PRKCB: variants seen among roughly 807,000 people sequenced by gnomAD.
PRKCB encodes protein kinase C beta, also known as protein kinase C beta type.
PRKCB carries 13 observed loss-of-function variants against 81.5 expected under a neutral mutation model. The observed-to-expected ratio is 0.16, with a 90% CI of 0.10 to 0.25. The LOEUF is 0.25. Among genes scored for constraint, PRKCB ranks in the 10% least tolerant of loss-of-function variants. The pLI is 1.00. For synonymous variants in PRKCB, 335 were observed against 321.4 expected, an observed-to-expected ratio of 1.04 and a Z score of -0.45; for missense variants, 509 against 875.7, an observed-to-expected ratio of 0.58 and a Z score of 5.29.
At chr16:24,000,007 A>G (rs970973942) in intron 3 of PRKCB, among the ~76,000 whole-genome samples, 1 of 152,138 alleles carries the variant, frequency 6.6e-6, no homozygotes, top group Non-Finnish European at 1.5e-5. Flanking sequence ...ACTTGTTCAT[A>G]TGGTGGTTTC....
intron 2 of PRKCB, among the ~76,000 whole-genome samples, chr16:23,953,863 T>A (rs1964313811): frequency 6.7e-6 from 1 of 149,192 alleles, no homozygotes; most frequent in South Asian, 2.1e-4. Context: ...TCAACTATGA[T>A]GCACGTTACA....
At chr16:24,068,440 C>A (rs953300471) in intron 5 of PRKCB, among the ~76,000 whole-genome samples, 1 of 150,044 alleles carries the variant, frequency 6.7e-6, no homozygotes, top group East Asian at 1.9e-4. Flanking sequence ...CTTCTTAGTC[C>A]TTTGCCCTGT....
chr16:23,862,446 A>G (rs1041631490), intron 2 of PRKCB, among the ~76,000 whole-genome samples: 3 of 152,216 alleles, frequency 2.0e-5, no homozygotes, highest in African/African-American at 7.2e-5. Context: ...TCTGTACACC[A>G]GAAAGACTTG....
chr16:24,212,833 T>C (rs1968165559), intron 16 of PRKCB, among the ~76,000 whole-genome samples: 1 of 151,942 alleles, frequency 6.6e-6, no homozygotes, highest in African/African-American at 2.4e-5. Context: ...AAAGTCGTTA[T>C]CCAAAATGGA....
intron 3 of PRKCB, among the ~76,000 whole-genome samples, chr16:24,004,039 A>C (rs917352695): frequency 1.4e-4 from 22 of 152,316 alleles, no homozygotes; most frequent in African/African-American, 5.1e-4. Flanking sequence ...AATGTGGAGG[A>C]AACAATCTAG....
chr16:24,106,732 CAAAG>C (rs1442497625), intron 7 of PRKCB, among the ~76,000 whole-genome samples: 1 of 152,018 alleles, frequency 6.6e-6, no homozygotes, highest in Admixed American at 6.6e-5. Context: ...CTATAAATTT[CAAAG>C]ATATGATACA....
At chr16:24,094,418 G>A (rs1307803956) in intron 7 of PRKCB, 121 bp downstream of exon 7, 1 of 1,317,190 alleles carries the variant, frequency 7.6e-7, no homozygotes, top group African/African-American at 1.5e-5. Context: ...AGTGAAGTCT[G>A]GTTGATTGGA....
At chr16:23,876,797 C>T (rs1175856060) in intron 2 of PRKCB, among the ~76,000 whole-genome samples, 5 of 152,168 alleles carry the variant, frequency 3.3e-5, no homozygotes, top group Non-Finnish European at 5.9e-5. Flanking sequence ...AATACCACTA[C>T]TCAAAACAAT....
At chr16:24,172,505 G>A in intron 11 of PRKCB, 144 bp downstream of exon 11, 1 of 662,480 alleles carries the variant, frequency 1.5e-6, no homozygotes. Flanking sequence ...GAAGAAAGGT[G>A]TTCTGCTTAA....
chr16:24,025,983 C>A (rs12232446), intron 3 of PRKCB, among the ~76,000 whole-genome samples: 25,877 of 152,108 alleles, frequency 0.17, 2,344 homozygotes, highest in East Asian at 0.26. Flanking sequence ...AGACACCCAG[C>A]GTACACATGT....
intron 9 of PRKCB, among the ~76,000 whole-genome samples, chr16:24,125,694 T>C (rs1966842538): frequency 6.6e-6 from 1 of 152,188 alleles, no homozygotes; most frequent in Admixed American, 6.5e-5. Flanking sequence ...TCCGTCGTGG[T>C]CGCCACTGTG....
At chr16:23,993,825 CTA>C (rs1348099308) in intron 3 of PRKCB, among the ~76,000 whole-genome samples, 1 of 152,146 alleles carries the variant, frequency 6.6e-6, no homozygotes, top group African/African-American at 2.4e-5. Context: ...ATGGCACTGC[CTA>C]ATCATGGTGT....
rs528472944 is a variant in PRKCB at position 24,161,577 on chromosome 16, G to A, written c.1239+6720G>A. Among the ~76,000 whole-genome samples the A allele has an allele frequency of 2.0e-5, 3 of 152,194 alleles. No homozygotes were observed. The South Asian group carries it at 6.2e-4, about 32-fold the overall frequency. ...AATAGATGCAAAAGCTCCCAGAAGGGGGTTGAGTTTTCAGAGATTTGCTCA... is the reference window on the plus strand; with the variant it reads ...AATAGATGCAAAAGCTCCCAGAAGGAGGTTGAGTTTTCAGAGATTTGCTCA... On this transcript the variant is annotated intron_variant, in intron 10 of 16. Transcript: ENST00000643927.
chr16:24,132,772 T>TC (rs59649249), intron 9 of PRKCB, among the ~76,000 whole-genome samples: 2,140 of 100,806 alleles, frequency 0.021, 81 homozygotes, highest in African/African-American at 0.085. Context: ...GATTTGGGGC[T>TC]TTTTTTTTTT....
At chr16:23,881,693 CAT>C (rs1963109750) in intron 2 of PRKCB, among the ~76,000 whole-genome samples, 1 of 152,238 alleles carries the variant, frequency 6.6e-6, no homozygotes, top group African/African-American at 2.4e-5. Context: ...AAACACATAA[CAT>C]AAAATTTACC....
At chr16:23,904,070 T>A (rs1963522509) in intron 2 of PRKCB, among the ~76,000 whole-genome samples, 1 of 152,340 alleles carries the variant, frequency 6.6e-6, no homozygotes, top group East Asian at 1.9e-4. Flanking sequence ...CATTAGCTTG[T>A]CTATTTCCTT....
intron 16 of PRKCB, among the ~76,000 whole-genome samples, chr16:24,214,122 A>G (rs1322162347): frequency 6.6e-6 from 1 of 152,198 alleles, no homozygotes; most frequent in Non-Finnish European, 1.5e-5. Flanking sequence ...GCTGGAGTTT[A>G]TAAATTGTAT....
intron 2 of PRKCB, among the ~76,000 whole-genome samples, chr16:23,862,348 TG>T (rs1338450623): frequency 6.6e-6 from 1 of 152,186 alleles, no homozygotes; most frequent in African/African-American, 2.4e-5. Context: ...ACACAGAATT[TG>T]GGGCTCTTCT....
chr16:24,141,164 G>A (rs953429792), intron 9 of PRKCB, among the ~76,000 whole-genome samples: 1 of 152,016 alleles, frequency 6.6e-6, no homozygotes, highest in Non-Finnish European at 1.5e-5. Context: ...TATCCAACCT[G>A]CTGTGAGACC....
Sources: allele counts gnomAD v4.1 joint callset (sites outside exome capture counted in the v4.1 genomes callset), GRCh38; gene constraint gnomAD v4.1.1; transcripts MANE v1.5; gene names NCBI Gene and HGNC (gene_info 2026-07-23, HGNC 2026-07-21).